RYR3: variants seen among roughly 807,000 people sequenced by gnomAD.
RYR3 encodes the protein brain ryanodine receptor-calcium release channel.
Under a neutral mutation model 584.3 loss-of-function variants are expected in RYR3, and 207 were observed. That is an observed-to-expected ratio of 0.35 (90% CI 0.32 to 0.40). The LOEUF (loss-of-function observed/expected upper bound fraction) is 0.40. RYR3 is among the 10% of genes least tolerant of loss of function. RYR3 has a pLI of 1.00. For missense variants in RYR3, 5,616 were observed against 6,089.2 expected (o/e 0.92, Z 2.59); for synonymous variants, 2,416 against 2,248.5 (o/e 1.07, Z -2.11).
At chr15:33,396,455 G>A (rs2042304020) in intron 1 of RYR3, among the ~76,000 whole-genome samples, 1 of 152,192 alleles carries the variant, frequency 6.6e-6, no homozygotes, top group Admixed American at 6.5e-5. Context: ...GCTCTTGAGT[G>A]AAGTAATGAG....
rs774810072 is a variant in RYR3, at chr15:33,562,979, A to C, written c.1115A>C (p.Lys372Thr). 3 of 1,612,142 alleles carry C rather than the reference A, an allele frequency of 1.9e-6. No individual in the cohort carries two copies. Among genetic ancestry groups the C allele is most frequent in the South Asian group, 2.2e-5 (2 of 90,626 alleles). Residue 372 changes from lysine to threonine, a missense_variant, in exon 11 of 104, where the codon AAA becomes ACA. Around this residue, in one of 9 missense-constraint regions of RYR3, gnomAD observed 1,284 missense variants for 1,344.6 expected, o/e 0.95. Transcript: ENST00000634891. Reference sequence around the variant, plus strand: ...GTGACCTACAAAGCACAAGACGCCAAAACTTCCCGCCTGGGACCTCTAAAA... The same window carrying C: ...GTGACCTACAAAGCACAAGACGCCACAACTTCCCGCCTGGGACCTCTAAAA... The part of the protein sequence containing the change: ...LWVTYKAQDA[K>T]TSRLGPLKRK...
chr15:33,521,920 A>C (rs2054012879), intron 3 of RYR3, among the ~76,000 whole-genome samples: 1 of 152,104 alleles, frequency 6.6e-6, no homozygotes, highest in Non-Finnish European at 1.5e-5. Context: ...TAGTACTTTC[A>C]GATGCTGTGC....
chr15:33,514,521 G>C (rs1015278052), intron 3 of RYR3, among the ~76,000 whole-genome samples: 10 of 152,142 alleles, frequency 6.6e-5, no homozygotes, highest in African/African-American at 2.2e-4. Context: ...GGTGGGGCCA[G>C]AGGTGGAAAT....
chr15:33,827,119 A>C, intron 84 of RYR3, 80 bp from the exon 85 acceptor site: 1 of 1,152,970 alleles, frequency 8.7e-7, no homozygotes, highest in Non-Finnish European at 1.3e-6. Flanking sequence ...AGAATGTCTT[A>C]TCTGAGCTCA....
chr15:33,578,184 T>G (rs1181102260), intron 12 of RYR3, among the ~76,000 whole-genome samples: 5 of 152,228 alleles, frequency 3.3e-5, no homozygotes, highest in African/African-American at 1.2e-4. Context: ...TCAACCATTA[T>G]GGAATACAGT....
intron 38 of RYR3, among the ~76,000 whole-genome samples, chr15:33,686,025 TAGA>T (rs56118901): frequency 0.074 from 11,267 of 151,960 alleles, 432 homozygotes; most frequent in African/African-American, 0.11. Context: ...ACATCACAAT[TAGA>T]AGAACTAGAG....
chr15:33,725,975 C>CCCCG (rs1215864754), intron 45 of RYR3, among the ~76,000 whole-genome samples: 3 of 10,068 alleles, frequency 3.0e-4, no homozygotes, highest in Non-Finnish European at 8.9e-4. Flanking sequence ...ATCCCCCCCC[C>CCCCG]CAAAAAAAAA....
At chr15:33,330,981 C>T (rs1025137334) in intron 1 of RYR3, among the ~76,000 whole-genome samples, 2 of 152,142 alleles carry the variant, frequency 1.3e-5, no homozygotes, top group Admixed American at 6.5e-5. Context: ...TGCAGAGGAT[C>T]TCCCCCTGTA....
At chr15:33,698,498 G>A (rs1343395088) in intron 40 of RYR3, among the ~76,000 whole-genome samples, 2 of 152,222 alleles carry the variant, frequency 1.3e-5, no homozygotes. Flanking sequence ...TTGCTAAGGG[G>A]AGAGTTGTGG....
At chr15:33,840,263 C>G (rs771677396) in intron 89 of RYR3, among the ~76,000 whole-genome samples, 8 of 152,064 alleles carry the variant, frequency 5.3e-5, no homozygotes, top group Non-Finnish European at 8.8e-5. Context: ...CTGGAATGAT[C>G]GGGAATGTTC....
rs1328984781 is a variant in RYR3 at position 33,613,197 on chromosome 15, G to A, written c.2179G>A (p.Ala727Thr). 1 of 1,613,494 alleles carries A rather than the reference G, an allele frequency of 6.2e-7. No homozygotes were observed. The highest frequency in any genetic ancestry group is 8.5e-7 in the Non-Finnish European group (1 of 1,179,696). Residue 727 changes from alanine to threonine, a missense_variant, in exon 19 of 104, where the codon GCT becomes ACT. By Grantham distance (58) the Ala-to-Thr change is moderately conservative (BLOSUM62 0). Coordinates refer to ENST00000634891, the MANE Select transcript of RYR3 (RefSeq NM_001036.6). ...TTCCTCACCAGGCCGGATACCCAGAGCTGTGGCTTCCATCAACCAGCACCT... is the reference window on the plus strand; with the variant it reads ...TTCCTCACCAGGCCGGATACCCAGAACTGTGGCTTCCATCAACCAGCACCT... ...LHLWSGRIPR[A>T]VASINQHLLR...
chr15:33,540,916 C>T (rs770744000), intron 7 of RYR3, 26 bp downstream of exon 7: 1 of 1,387,068 alleles, frequency 7.2e-7, no homozygotes. Flanking sequence ...TGCATTTAGC[C>T]CTGAGCCTGC....
rs1262040058 is a variant in RYR3 at position 33,539,353 on chromosome 15, A to G, written c.437A>G (p.Glu146Gly). Residue 146 changes from glutamate (E) to glycine (G), a missense_variant, in exon 6 of 104, where the codon GAA becomes GGA. By Grantham distance (98) the Glu-to-Gly change is moderately conservative. Around this residue, in one of 9 missense-constraint regions of RYR3, gnomAD observed 1,284 missense variants for 1,344.6 expected, o/e 0.95. Coordinates refer to ENST00000634891, the MANE Select transcript of RYR3 (RefSeq NM_001036.6). ...AACTCAAGGAGCCTTCATGTAGGAG[A>G]AGCCTGTTGGTGGACTATACATCCT... ...DVGLREHATG[E>G]ACWWTIHPAS... is the part of the protein sequence containing the mutation. 1 of 1,584,688 alleles carries G rather than the reference A, an allele frequency of 6.3e-7. No homozygotes were observed. The highest frequency in any genetic ancestry group is 8.6e-7 in the Non-Finnish European group (1 of 1,163,736).
intron 10 of RYR3, among the ~76,000 whole-genome samples, chr15:33,561,189 T>A (rs2057379904): frequency 6.6e-6 from 1 of 152,270 alleles, no homozygotes; most frequent in Non-Finnish European, 1.5e-5. Context: ...TAATTGAAAT[T>A]TGGCCTGTGC....
chr15:33,836,790 T>G, intron 87 of RYR3, 116 bp from the exon 88 acceptor site: 2 of 689,594 alleles, frequency 2.9e-6, no homozygotes, highest in East Asian at 5.5e-5. Context: ...GGAAGCTCTT[T>G]CCCGACACTG....
In RYR3 at chr15:33,649,191, A is replaced by G. The variant is rs761876594; in HGVS notation, c.4098A>G (p.Thr1366=). 2.5e-6 allele frequency: 4 copies of G among 1,613,656 alleles called. No individual in the cohort carries two copies. Among genetic ancestry groups the G allele is most frequent in the Admixed American group, 1.7e-5 (1 of 60,006 alleles). Residue 1366 remains threonine, a synonymous_variant, in exon 31 of 104, where the codon ACA becomes ACG. Coordinates refer to ENST00000634891, the MANE Select transcript of RYR3 (RefSeq NM_001036.6). The part of the protein sequence containing the change: ...SEKFDLNKNC[T]VTVTLGDERG... ...AGTTTGACCTGAATAAAAACTGCACAGTGACTGTCACCCTAGGGGATGAAA... is the reference window on the plus strand; with the variant it reads ...AGTTTGACCTGAATAAAAACTGCACGGTGACTGTCACCCTAGGGGATGAAA...
At chr15:33,731,746 C>A in intron 48 of RYR3, 52 bp downstream of exon 48, 1 of 1,241,610 alleles carries the variant, frequency 8.1e-7, no homozygotes, top group Admixed American at 1.9e-5. Flanking sequence ...AGGTCAACTG[C>A]ATTTTCCTAT....
intron 1 of RYR3, among the ~76,000 whole-genome samples, chr15:33,391,894 C>T (rs1291651484): frequency 6.6e-6 from 1 of 152,104 alleles, no homozygotes; most frequent in African/African-American, 2.4e-5. Context: ...TTTAAACATG[C>T]TGTTTCCTCT....
chr15:33,699,632 T>C, intron 40 of RYR3, 72 bp from the exon 41 acceptor site: 1 of 1,461,134 alleles, frequency 6.8e-7, no homozygotes, highest in Non-Finnish European at 9.4e-7. Context: ...CACTTAAGAC[T>C]CTGAGGTCAG....
Sources: gnomAD v4.1 joint callset for allele counts (sites outside exome capture counted in the v4.1 genomes callset) on GRCh38, gnomAD v4.1.1 for gene constraint, gnomAD v4.1.1 regional missense constraint, MANE v1.5 for transcripts, NCBI Gene and HGNC (gene_info 2026-07-23, HGNC 2026-07-21) for gene names.